CRACD: variants seen among roughly 807,000 people sequenced by gnomAD.
CRACD encodes capping protein-inhibiting regulator of actin dynamics.
In CRACD, 56 loss-of-function variants were observed where a neutral mutation model predicts 106.8. The ratio of observed to expected loss-of-function variants is 0.52; its 90% confidence interval spans 0.42 to 0.66. CRACD has a LOEUF of 0.66. Among genes scored for constraint, CRACD ranks in the 30% least tolerant of loss-of-function variants. The pLI, the probability that CRACD is intolerant of heterozygous loss-of-function variation, is 0.00. For synonymous variants in CRACD, 754 were observed against 670.8 expected (o/e 1.12, Z -1.92); for missense variants, 1,730 against 1,623.2 (o/e 1.07, Z -1.13).
At chr4:56,171,858 A>G (rs1736381242) in intron 1 of CRACD, among the ~76,000 whole-genome samples, 5 of 151,924 alleles carry the variant, frequency 3.3e-5, no homozygotes, top group Admixed American at 3.3e-4. Context: ...ATGGTTTCAG[A>G]TTTTCCACCT....
chr4:56,297,579 T>A (rs1036076069), intron 3 of CRACD, among the ~76,000 whole-genome samples: 15 of 152,080 alleles, frequency 9.9e-5, no homozygotes, highest in Non-Finnish European at 1.9e-4. Flanking sequence ...ACCTTGTCTC[T>A]AAAAAATATA....
chr4:56,198,907 G>T (rs12649000), intron 2 of CRACD, among the ~76,000 whole-genome samples: 1 of 152,114 alleles, frequency 6.6e-6, no homozygotes, highest in South Asian at 2.1e-4. Context: ...AGGAGCCATC[G>T]ATTATGTAGT....
At chr4:56,060,547 A>G (rs2109785164) in intron 1 of CRACD, among the ~76,000 whole-genome samples, 1 of 152,142 alleles carries the variant, frequency 6.6e-6, no homozygotes, top group African/African-American at 2.4e-5. Context: ...GAAGCTTGGT[A>G]GCTATGGTGT....
At chr4:56,327,583 A>G in intron 10 of CRACD, 61 bp from the exon 11 acceptor site, 1 of 1,486,816 alleles carries the variant, frequency 6.7e-7, no homozygotes, top group Non-Finnish European at 9.2e-7. Context: ...GTTAATTAAA[A>G]AGAAAATTTG....
At chr4:56,169,700 G>A (rs1052904410) in intron 1 of CRACD, among the ~76,000 whole-genome samples, 1 of 152,140 alleles carries the variant, frequency 6.6e-6, no homozygotes. Flanking sequence ...GTTTTGCCAT[G>A]TTGCTCAGGC....
chr4:56,089,302 G>A (rs984888850), intron 1 of CRACD, among the ~76,000 whole-genome samples: 2 of 152,074 alleles, frequency 1.3e-5, no homozygotes, highest in Non-Finnish European at 2.9e-5. Flanking sequence ...CTGTAAACAC[G>A]ATGCTGTCCT....
At position 56,328,561 on chromosome 4, in the gene CRACD, C is replaced by A; in HGVS notation, c.*757C>A. 2.8e-6 allele frequency: 1 copy of A among 357,742 alleles called. No individual in the cohort carries two copies. The highest frequency in any genetic ancestry group is 3.8e-5 in the Admixed American group (1 of 26,098). The allele number at this position is 357,742 out of a possible 1,614,324, so 22.2% of individuals were successfully genotyped here. ...GAAGAAAGACAATTCTAGATCAGAG[C>A]TACAAGTTCACTTTCTGTCTCTGAG... On this transcript the variant is annotated 3_prime_UTR_variant, in exon 11 of 11. Coordinates refer to ENST00000682029, the MANE Select transcript of CRACD (RefSeq NM_001393381.1).
At chr4:56,324,826 A>G (rs1746325041) in intron 10 of CRACD, among the ~76,000 whole-genome samples, 1 of 152,248 alleles carries the variant, frequency 6.6e-6, no homozygotes, top group Non-Finnish European at 1.5e-5. Context: ...TAAAGGAGAT[A>G]ATATCAAGAC....
chr4:56,091,999 A>G (rs919763188), intron 1 of CRACD, among the ~76,000 whole-genome samples: 1 of 152,210 alleles, frequency 6.6e-6, no homozygotes, highest in Non-Finnish European at 1.5e-5. Flanking sequence ...CCAAGGCAAC[A>G]TAGTAAGACC....
intron 5 of CRACD, among the ~76,000 whole-genome samples, chr4:56,308,250 C>T (rs2109749049): frequency 6.6e-6 from 1 of 152,234 alleles, no homozygotes; most frequent in African/African-American, 2.4e-5. Context: ...TAGAAGACAT[C>T]AAACAGGCCA....
chr4:56,262,234 C>T (rs983469611), intron 2 of CRACD, among the ~76,000 whole-genome samples: 2 of 152,132 alleles, frequency 1.3e-5, no homozygotes, highest in Non-Finnish European at 2.9e-5. Context: ...TGAAATTGGA[C>T]GGAAACCTGT....
intron 2 of CRACD, among the ~76,000 whole-genome samples, chr4:56,180,768 A>T (rs992485086): frequency 2.0e-5 from 3 of 152,184 alleles, no homozygotes. Context: ...TTAAATTCAC[A>T]TACCAAGCTT....
In CRACD at chr4:56,079,654, AAGCTGG is replaced by A. The variant is rs564709301; in HGVS notation, c.-336+30356_-336+30361del. On this transcript the variant is annotated intron_variant, in intron 1 of 10. Coordinates refer to ENST00000682029, the MANE Select transcript of CRACD (RefSeq NM_001393381.1). ...GAGATGGGGTTTCACCATGTTGACCAAGCTGGTCTTGAACTTCTGACTTCAAGTGAT... is the reference window on the plus strand; with the variant it reads ...GAGATGGGGTTTCACCATGTTGACCATCTTGAACTTCTGACTTCAAGTGAT... Among the ~76,000 whole-genome samples, 490 of 152,268 alleles carry A rather than the reference AAGCTGG, an allele frequency of 3.2e-3. 3 individuals are homozygous for A. Among genetic ancestry groups the A allele is most frequent in the African/African-American group, 0.011 (471 of 41,556 alleles).
intron 2 of CRACD, among the ~76,000 whole-genome samples, chr4:56,231,990 T>A (rs1369606852): frequency 6.6e-6 from 1 of 152,184 alleles, no homozygotes; most frequent in East Asian, 1.9e-4. Flanking sequence ...CAAAAAATAT[T>A]AGTGAGTAAT....
At chr4:56,326,156 C>T in intron 10 of CRACD, among the ~76,000 whole-genome samples, 1 of 152,194 alleles carries the variant, frequency 6.6e-6, no homozygotes, top group African/African-American at 2.4e-5. Context: ...AAGTGATCCG[C>T]CCACCTCGGC....
At chr4:56,143,565 G>A (rs1210387694) in intron 1 of CRACD, among the ~76,000 whole-genome samples, 2 of 151,758 alleles carry the variant, frequency 1.3e-5, no homozygotes, top group Admixed American at 1.3e-4. Context: ...GAATTTTGAG[G>A]TCGTGAAATG....
In CRACD at chr4:56,314,766, C is replaced by A; in HGVS notation, c.1264C>A (p.Leu422Ile). 6.3e-7 allele frequency: 1 copy of A among 1,592,906 alleles called. No individual in the cohort carries two copies. Among genetic ancestry groups the A allele is most frequent in the Non-Finnish European group, 8.5e-7 (1 of 1,171,132 alleles). The change falls in exon 8 of 11, where the codon CTT becomes ATT. Residue 422 changes from leucine to isoleucine, a missense_variant. Physicochemically the swap from Leu to Ile is conservative, Grantham distance 5. This residue lies in a region of CRACD where 1,620 missense variants were observed against 1,481.6 expected (regional missense o/e 1.09). Transcript: ENST00000682029. The surrounding 1 kb of genome is among the most constrained non-coding windows in gnomAD (Gnocchi z 4.4). The stretch of plus-strand genomic sequence containing the variant: ...GGACTGGAGGGGGCAGCTCAGTGAG[C>A]TTCTGAACGACTTTGAGGAGAGGCT... ...LEDWRGQLSE[L>I]LNDFEERLED...
At chr4:56,227,639 A>C (rs952175680) in intron 2 of CRACD, among the ~76,000 whole-genome samples, 3 of 152,168 alleles carry the variant, frequency 2.0e-5, no homozygotes, top group Non-Finnish European at 4.4e-5. Flanking sequence ...CAGCTGTTCA[A>C]CTCCATCTTC....
chr4:56,238,035 C>T (rs1365700233), intron 2 of CRACD, among the ~76,000 whole-genome samples: 1 of 152,004 alleles, frequency 6.6e-6, no homozygotes, highest in African/African-American at 2.4e-5. Flanking sequence ...TATCTTTTAA[C>T]CCAGCAGCCT....
Sources: allele counts gnomAD v4.1 joint callset (sites outside exome capture counted in the v4.1 genomes callset), GRCh38; gene constraint gnomAD v4.1.1; regional missense constraint gnomAD v4.1.1; non-coding constraint Gnocchi (gnomAD v3.1); transcripts MANE v1.5; gene names NCBI Gene and HGNC (gene_info 2026-07-23, HGNC 2026-07-21).